Variants in CNTN5 observed in about 807,000 individuals in gnomAD.
CNTN5 encodes contactin 5.
In CNTN5, 77 loss-of-function variants were observed where a neutral mutation model predicts 129.1. The ratio of observed to expected loss-of-function variants is 0.60; its 90% CI spans 0.50 to 0.72. The LOEUF (loss-of-function observed/expected upper bound fraction) is 0.72. Among genes scored for constraint, CNTN5 ranks in the 30% least tolerant of loss-of-function variants. CNTN5 has a pLI of 0.00. For missense variants in CNTN5, 1,478 were observed against 1,328.8 expected (o/e 1.11, Z -1.75); for synonymous variants, 509 against 465.6 (o/e 1.09, Z -1.20).
chr11:99,574,232 A>G (rs1472316103), intron 3 of CNTN5, among the ~76,000 whole-genome samples: 1 of 152,194 alleles, frequency 6.6e-6, no homozygotes, highest in Non-Finnish European at 1.5e-5. Flanking sequence ...AAAGGACACA[A>G]ACTCATCCTT....
intron 1 of CNTN5, among the ~76,000 whole-genome samples, chr11:99,283,803 T>C (rs963772244): frequency 6.6e-6 from 1 of 152,080 alleles, no homozygotes; most frequent in Admixed American, 6.6e-5. Context: ...TTCAACTGTA[T>C]TGGAATGAAG....
chr11:99,196,414 G>A (rs949953811), intron 1 of CNTN5, among the ~76,000 whole-genome samples: 1 of 151,818 alleles, frequency 6.6e-6, no homozygotes, highest in Non-Finnish European at 1.5e-5. Context: ...GTTTACATGT[G>A]TCTGTGCATG....
At chr11:99,184,608 G>A (rs1893147) in intron 1 of CNTN5, among the ~76,000 whole-genome samples, 33,214 of 151,884 alleles carry the variant, frequency 0.22, 3,739 homozygotes, top group Middle Eastern at 0.27. Flanking sequence ...TAGCCATTAT[G>A]GAATCTTACT....
intron 18 of CNTN5, among the ~76,000 whole-genome samples, chr11:100,279,910 CT>C (rs58391412): frequency 0.73 from 83,390 of 114,670 alleles, 30,174 homozygotes; most frequent in South Asian, 0.88. Flanking sequence ...TTTTCTTTTT[CT>C]TTTTTTTTTT....
intron 1 of CNTN5, among the ~76,000 whole-genome samples, chr11:99,319,305 ATG>A (rs1375370051): frequency 6.6e-6 from 1 of 152,172 alleles, no homozygotes; most frequent in Non-Finnish European, 1.5e-5. Context: ...GGCCAACCAC[ATG>A]ACTCAACTGA....
At chr11:99,557,334 A>G (rs1419585532) in intron 3 of CNTN5, among the ~76,000 whole-genome samples, 1 of 151,236 alleles carries the variant, frequency 6.6e-6, no homozygotes, top group Non-Finnish European at 1.5e-5. Context: ...AATACAAACT[A>G]CATAAAGATA....
chr11:100,137,021 A>G (rs546814619), intron 13 of CNTN5, among the ~76,000 whole-genome samples: 4 of 151,900 alleles, frequency 2.6e-5, no homozygotes, highest in Non-Finnish European at 5.9e-5. Context: ...ATGTTTACAT[A>G]TATGTAATAT....
chr11:100,001,008 G>A (rs574419891), intron 8 of CNTN5, among the ~76,000 whole-genome samples: 25 of 152,262 alleles, frequency 1.6e-4, no homozygotes, highest in Middle Eastern at 3.4e-3. Flanking sequence ...CCTCCTAGGC[G>A]TCCAGGCCTG....
At chr11:99,408,455 A>AAAGAAAGAGAAAGAAAGAAAGAAAGG (rs1942217996) in intron 2 of CNTN5, among the ~76,000 whole-genome samples, 1 of 125,472 alleles carries the variant, frequency 8.0e-6, no homozygotes, top group Non-Finnish European at 1.8e-5. Context: ...AAAGAGAAAG[A>AAAGAAAGAGAAAGAAAGAAAGAAAGG]AAGAAAGAAA....
chr11:100,309,521 A>C lies in CNTN5; in HGVS notation c.2730+1053A>C, dbSNP rs964706506. The C allele has an allele frequency of 1.1e-5, 11 of 974,634 alleles. No homozygotes were observed. The African/African-American group carries it at 1.2e-4, about 11-fold the overall frequency. The allele number at this position is 974,634 out of a possible 1,614,324, so 60.4% of individuals were successfully genotyped here. A position where few individuals can be genotyped will look rare whatever the true frequency, so the allele number is the denominator to read the frequency against. On this transcript the variant is annotated intron_variant, in intron 21 of 24. Coordinates refer to ENST00000524871, the MANE Select transcript of CNTN5 (RefSeq NM_014361.4). Reference sequence around the variant, plus strand: ...GGACTTATTTCTACAATCTTGCTTCAATTAATTATTTGGAATGATAATTTA... The same window carrying C: ...GGACTTATTTCTACAATCTTGCTTCCATTAATTATTTGGAATGATAATTTA...
intron 9 of CNTN5, among the ~76,000 whole-genome samples, chr11:100,016,627 T>G (rs2137544436): frequency 6.6e-6 from 1 of 152,134 alleles, no homozygotes; most frequent in Non-Finnish European, 1.5e-5. Flanking sequence ...TTTGCTTGAT[T>G]TTTGATGGTA....
At chr11:99,174,831 TC>T (rs1390899755) in intron 1 of CNTN5, among the ~76,000 whole-genome samples, 1 of 152,096 alleles carries the variant, frequency 6.6e-6, no homozygotes, top group African/African-American at 2.4e-5. Context: ...CACAGAATTT[TC>T]CAACTATTAT....
At chr11:99,720,899 A>G (rs1215670350) in intron 3 of CNTN5, among the ~76,000 whole-genome samples, 5 of 152,208 alleles carry the variant, frequency 3.3e-5, no homozygotes, top group African/African-American at 1.2e-4. Context: ...TCCCATTCAC[A>G]ATTGCCACAA....
intron 9 of CNTN5, among the ~76,000 whole-genome samples, chr11:100,048,073 G>C (rs1250594353): frequency 6.6e-6 from 1 of 152,170 alleles, no homozygotes; most frequent in African/African-American, 2.4e-5. Flanking sequence ...GGAGCTTGCA[G>C]TGAGTCGAGA....
intron 1 of CNTN5, among the ~76,000 whole-genome samples, chr11:99,311,924 A>G (rs1865131052): frequency 6.6e-6 from 1 of 152,172 alleles, no homozygotes; most frequent in African/African-American, 2.4e-5. Flanking sequence ...TACAGGTATA[A>G]CTTGCCAAAT....
At chr11:100,077,068 T>C (rs1328166770) in intron 13 of CNTN5, among the ~76,000 whole-genome samples, 2 of 152,178 alleles carry the variant, frequency 1.3e-5, no homozygotes, top group South Asian at 2.1e-4. Flanking sequence ...ATATTTTACA[T>C]TCTTTAAAAG....
intron 3 of CNTN5, among the ~76,000 whole-genome samples, chr11:99,721,252 A>T (rs117787807): frequency 0.031 from 4,681 of 152,322 alleles, 85 homozygotes; most frequent in South Asian, 0.044. Context: ...ACAAGGCTAC[A>T]GTAATCAAAA....
chr11:99,974,802 G>A (rs1252312849), intron 8 of CNTN5, among the ~76,000 whole-genome samples: 1 of 152,134 alleles, frequency 6.6e-6, no homozygotes, highest in Non-Finnish European at 1.5e-5. Context: ...TAATATTATA[G>A]CATGCTTTTT....
At chr11:100,182,118 A>G (rs1261529525) in intron 13 of CNTN5, among the ~76,000 whole-genome samples, 1 of 152,120 alleles carries the variant, frequency 6.6e-6, no homozygotes, top group East Asian at 1.9e-4. Flanking sequence ...AGGTAAATCA[A>G]TGCAGCAGAA....
Sources: allele counts gnomAD v4.1 joint callset (sites outside exome capture counted in the v4.1 genomes callset), GRCh38; gene constraint gnomAD v4.1.1; transcripts MANE v1.5; gene names NCBI Gene and HGNC (gene_info 2026-07-23, HGNC 2026-07-21).